Variants in LUZP2 observed in about 807,000 individuals in gnomAD.
The protein encoded by LUZP2 is leucine zipper protein 2.
A neutral mutation model predicts 51.6 loss-of-function variants in LUZP2; 52 were observed. The observed-to-expected ratio is 1.01, with a 90% CI of 0.81 to 1.27. The LOEUF is 1.27. Ranked by LOEUF, LUZP2 falls within the 50% of genes most tolerant of loss-of-function variation. LUZP2 has a pLI of 0.00. For synonymous variants in LUZP2, 154 were observed against 137.3 expected (o/e 1.12, Z -0.85); for missense variants, 436 against 395.4 (o/e 1.10, Z -0.87).
At chr11:24,711,505 G>T (rs1545954) in intron 1 of LUZP2, among the ~76,000 whole-genome samples, 128,280 of 151,404 alleles carry the variant, frequency 0.85, 54,367 homozygotes, top group East Asian at 1. Context: ...ATTTTCTTTT[G>T]TAGGTATAGA....
intron 9 of LUZP2, among the ~76,000 whole-genome samples, chr11:25,023,332 T>A (rs1264016068): frequency 6.6e-6 from 1 of 152,158 alleles, no homozygotes; most frequent in Non-Finnish European, 1.5e-5. Context: ...CTGTTATTGG[T>A]CTATTCGGGG....
At chr11:24,979,975 G>C (rs1855980680) in intron 8 of LUZP2, among the ~76,000 whole-genome samples, 1 of 151,706 alleles carries the variant, frequency 6.6e-6, no homozygotes, top group African/African-American at 2.4e-5. Context: ...TGACCTAAAT[G>C]AATAAACATT....
chr11:25,011,119 G>T (rs925688655), intron 9 of LUZP2, among the ~76,000 whole-genome samples: 7 of 152,016 alleles, frequency 4.6e-5, no homozygotes, highest in African/African-American at 1.7e-4. Flanking sequence ...AGGGCATGGG[G>T]CATATATATT....
chr11:24,587,012 A>T (rs1209729351), intron 1 of LUZP2, among the ~76,000 whole-genome samples: 3 of 152,198 alleles, frequency 2.0e-5, no homozygotes, highest in East Asian at 1.9e-4. Flanking sequence ...TAATTTTTTT[A>T]AAAAATTGCT....
In LUZP2 at chr11:24,914,408, A is replaced by G. The variant is rs73444432; in HGVS notation, c.460-68A>G. ...AAAATGTATTCCTGTGAAGTCTGAA[A>G]GTATTTTAATCTTCAAGTTTGAAAA... is the stretch of plus-strand genomic sequence containing the variant. On this transcript the variant is annotated intron_variant, in intron 6 of 11. Coordinates refer to ENST00000336930, the MANE Select transcript of LUZP2 (RefSeq NM_001009909.4). 0.016 allele frequency: 18,645 copies of G among 1,159,668 alleles called. 1,842 individuals are homozygous for G. The African/African-American group carries it at 0.23, about 14-fold the overall frequency. 71.8% of individuals were successfully genotyped at this position (1,159,668 alleles called of 1,614,324 possible). A position where few individuals can be genotyped will look rare whatever the true frequency, so the allele number is the denominator to read the frequency against.
intron 9 of LUZP2, among the ~76,000 whole-genome samples, chr11:25,029,967 A>G (rs1408795026): frequency 1.3e-5 from 2 of 152,098 alleles, no homozygotes; most frequent in Non-Finnish European, 2.9e-5. Context: ...TGTGTACATA[A>G]CATAATAAAA....
At chr11:24,809,649 G>A (rs12292767) in intron 5 of LUZP2, among the ~76,000 whole-genome samples, 2,441 of 152,146 alleles carry the variant, frequency 0.016, 72 homozygotes, top group African/African-American at 0.056. Context: ...AAATGAGGGA[G>A]TTTTTAAACC....
chr11:24,855,621 C>T (rs1398668142), intron 5 of LUZP2, among the ~76,000 whole-genome samples: 1 of 152,128 alleles, frequency 6.6e-6, no homozygotes, highest in African/African-American at 2.4e-5. Context: ...ACTGTTTTAA[C>T]ATTTATATGG....
intron 5 of LUZP2, among the ~76,000 whole-genome samples, chr11:24,848,010 T>G (rs1288048891): frequency 6.6e-6 from 1 of 152,142 alleles, no homozygotes; most frequent in Non-Finnish European, 1.5e-5. Flanking sequence ...TTAAGATCAC[T>G]TTGACTTTTA....
chr11:24,852,427 T>C (rs1851426136), intron 5 of LUZP2, among the ~76,000 whole-genome samples: 1 of 152,202 alleles, frequency 6.6e-6, no homozygotes, highest in Admixed American at 6.5e-5. Context: ...TGAGTGAGTT[T>C]CTTAATCCTG....
intron 9 of LUZP2, among the ~76,000 whole-genome samples, chr11:25,025,323 G>T (rs553020359): frequency 6.6e-6 from 1 of 152,218 alleles, no homozygotes; most frequent in African/African-American, 2.4e-5. Flanking sequence ...AAGAGCTTCT[G>T]CACAGCAAAA....
intron 1 of LUZP2, among the ~76,000 whole-genome samples, chr11:24,719,012 G>T (rs1858161941): frequency 6.6e-6 from 1 of 152,176 alleles, no homozygotes; most frequent in Non-Finnish European, 1.5e-5. Context: ...GGGTATATAA[G>T]AGGAAATAGA....
intron 10 of LUZP2, among the ~76,000 whole-genome samples, chr11:25,069,478 C>A (rs1472472726): frequency 6.6e-6 from 1 of 151,820 alleles, no homozygotes; most frequent in Non-Finnish European, 1.5e-5. Flanking sequence ...TCTTTATTTT[C>A]AATTTTCAAA....
chr11:24,854,598 G>A (rs1479898322), intron 5 of LUZP2, among the ~76,000 whole-genome samples: 1 of 151,336 alleles, frequency 6.6e-6, no homozygotes, highest in Non-Finnish European at 1.5e-5. Context: ...TTGGCTCTCT[G>A]GCTTCAGCAC....
chr11:24,981,935 A>G (rs947432152), intron 8 of LUZP2, among the ~76,000 whole-genome samples: 7 of 50,310 alleles, frequency 1.4e-4, no homozygotes, highest in African/African-American at 2.9e-4. Flanking sequence ...CCTCATTAAA[A>G]AATAGGCAAA....
chr11:25,030,085 G>A (rs1255244581), intron 9 of LUZP2, among the ~76,000 whole-genome samples: 1 of 152,044 alleles, frequency 6.6e-6, no homozygotes, highest in African/African-American at 2.4e-5. Context: ...TAAATTTTGT[G>A]TTTATCGTTC....
intron 5 of LUZP2, among the ~76,000 whole-genome samples, chr11:24,897,410 C>T (rs906084566): frequency 6.6e-6 from 1 of 152,170 alleles, no homozygotes; most frequent in Admixed American, 6.5e-5. Context: ...TGAGCTGTAA[C>T]ACTCATTGCG....
At chr11:25,002,280 T>C (rs530732786) in intron 9 of LUZP2, among the ~76,000 whole-genome samples, 1 of 152,294 alleles carries the variant, frequency 6.6e-6, no homozygotes, top group East Asian at 1.9e-4. Context: ...ACAAATGAAC[T>C]TCCATCGTTA....
intron 1 of LUZP2, among the ~76,000 whole-genome samples, chr11:24,506,330 A>G (rs1216397657): frequency 1.3e-5 from 2 of 152,042 alleles, no homozygotes; most frequent in Non-Finnish European, 2.9e-5. Flanking sequence ...TAAACTAAGC[A>G]TTGGGCAGGA....
Sources: allele counts gnomAD v4.1 joint callset (sites outside exome capture counted in the v4.1 genomes callset), GRCh38; gene constraint gnomAD v4.1.1; transcripts MANE v1.5; gene names NCBI Gene and HGNC (gene_info 2026-07-23, HGNC 2026-07-21).